The following TCF20 variants were observed in gnomAD, a reference collection of about 807,000 sequenced individuals.
The protein encoded by TCF20 is SPRE-binding protein.
TCF20 carries 3 observed loss-of-function variants against 148.6 expected under a neutral mutation model. The observed-to-expected ratio is 0.02, with a 90% confidence interval of 0.01 to 0.05. The LOEUF is 0.05. Among genes scored for constraint, TCF20 ranks in the 10% least tolerant of loss-of-function variants. The pLI, the probability that TCF20 is intolerant of heterozygous loss-of-function variation, is 1.00. For missense variants in TCF20, 2,350 were observed against 2,429.3 expected, an observed-to-expected ratio of 0.97 and a Z score of 0.69; for synonymous variants, 1,049 against 909.5, an observed-to-expected ratio of 1.15 and a Z score of -2.76.
chr22:42,244,108 G>A (rs932742704), intron 1 of TCF20, among the ~76,000 whole-genome samples: 4 of 152,162 alleles, frequency 2.6e-5, no homozygotes, highest in Non-Finnish European at 4.4e-5. Context: ...GGAGGCTGAA[G>A]CAAGAGAATC....
At chr22:42,219,650 G>A (rs1922168689) in intron 1 of TCF20, among the ~76,000 whole-genome samples, 1 of 152,008 alleles carries the variant, frequency 6.6e-6, no homozygotes, top group South Asian at 2.1e-4. Context: ...GGGCTCAGGA[G>A]TTCGAGACCA....
At chr22:42,324,576 T>C (rs36141542) in intron 1 of TCF20, among the ~76,000 whole-genome samples, 59,556 of 151,608 alleles carry the variant, frequency 0.39, 12,119 homozygotes, top group East Asian at 0.58. Flanking sequence ...ATCTCCACCA[T>C]TGGAGAAAAT....
chr22:42,268,390 G>T (rs145667909), intron 1 of TCF20, among the ~76,000 whole-genome samples: 1 of 152,310 alleles, frequency 6.6e-6, no homozygotes, highest in East Asian at 1.9e-4. Context: ...CATCTGCGGA[G>T]CACTGGCTAC....
chr22:42,174,291 T>C (rs1256078868), intron 3 of TCF20, among the ~76,000 whole-genome samples: 2 of 152,224 alleles, frequency 1.3e-5, no homozygotes, highest in South Asian at 2.1e-4. Context: ...GTTACCACAT[T>C]GGAGAGTGCT....
At chr22:42,263,916 C>T (rs1302212173) in intron 1 of TCF20, among the ~76,000 whole-genome samples, 1 of 152,130 alleles carries the variant, frequency 6.6e-6, no homozygotes, top group African/African-American at 2.4e-5. Context: ...TATAAAGCCA[C>T]ATAACTTTGG....
intron 1 of TCF20, among the ~76,000 whole-genome samples, chr22:42,258,592 A>T (rs1925867096): frequency 6.6e-6 from 1 of 152,190 alleles, no homozygotes; most frequent in Admixed American, 6.5e-5. Context: ...AGTGACAAGC[A>T]TTCAGTAGAA....
At chr22:42,215,901 T>TA (rs1226932269) in intron 1 of TCF20, among the ~76,000 whole-genome samples, 1 of 151,988 alleles carries the variant, frequency 6.6e-6, no homozygotes. Flanking sequence ...ACAAACCCAA[T>TA]ACAGCAAAAA....
chr22:42,335,250 C>T (rs957544339), intron 1 of TCF20, among the ~76,000 whole-genome samples: 3 of 152,112 alleles, frequency 2.0e-5, no homozygotes, highest in African/African-American at 7.2e-5. Context: ...ATGGCTGGCA[C>T]CTTCTCCTGC....
chr22:42,327,791 G>A (rs1384989310), intron 1 of TCF20, among the ~76,000 whole-genome samples: 7 of 150,606 alleles, frequency 4.6e-5, no homozygotes, highest in East Asian at 1.9e-4. Flanking sequence ...TCATGTGACC[G>A]CTCCCAGAGG....
intron 1 of TCF20, among the ~76,000 whole-genome samples, chr22:42,282,820 CCTGT>C (rs913537267): frequency 3.9e-5 from 6 of 152,120 alleles, no homozygotes; most frequent in Non-Finnish European, 8.8e-5. Context: ...GCCTCGCCGG[CCTGT>C]CTGTCTCCAG....
chr22:42,248,151 G>A (rs1470095217), intron 1 of TCF20, among the ~76,000 whole-genome samples: 3 of 152,206 alleles, frequency 2.0e-5, no homozygotes. Flanking sequence ...GGGAGAACAG[G>A]GCTGAGGGAG....
At position 42,247,297 on chromosome 22, in the gene TCF20, T is replaced by C. The variant is rs1423385463; in HGVS notation, c.-37+23042A>G. On this transcript the variant is annotated intron_variant, in intron 1 of 5. Coordinates refer to ENST00000677622, the MANE Select transcript of TCF20 (RefSeq NM_001378418.1). Reference sequence around the variant, plus strand: ...TCTACTAAAAATATAAGAATTTGCTTGGCGTGGTGGCAGGCGCCTGTAATC... The same window carrying C: ...TCTACTAAAAATATAAGAATTTGCTCGGCGTGGTGGCAGGCGCCTGTAATC... Among the ~76,000 whole-genome samples the C allele has an allele frequency of 2.7e-5, 4 of 150,080 alleles. No homozygotes were observed. In the East Asian group the frequency reaches 8.0e-4, roughly 30 times the overall value.
At chr22:42,170,626 CAAAAAAAAAAAAAAAAA>C (rs58579686) in intron 3 of TCF20, among the ~76,000 whole-genome samples, 2 of 72,100 alleles carry the variant, frequency 2.8e-5, no homozygotes, top group Admixed American at 1.6e-4. Flanking sequence ...GACTCCGTCT[CAAAAAAAAAAAAAAAAA>C]AAAAAAAAAA....
intron 3 of TCF20, among the ~76,000 whole-genome samples, chr22:42,172,156 G>C (rs1282922856): frequency 1.3e-5 from 2 of 151,936 alleles, no homozygotes; most frequent in Non-Finnish European, 2.9e-5. Context: ...ACACTGTGCA[G>C]ACAATGCCCT....
chr22:42,300,126 T>C (rs1228496799), intron 1 of TCF20, among the ~76,000 whole-genome samples: 1 of 152,024 alleles, frequency 6.6e-6, no homozygotes, highest in African/African-American at 2.4e-5. Flanking sequence ...ACGAGGCAGA[T>C]TGTCTGGAAT....
In TCF20 at chr22:42,211,373, G is replaced by C. The variant is rs757608481; in HGVS notation, c.3933C>G (p.Ile1311Met). The change falls in exon 2 of 6, where the codon ATC becomes ATG. Residue 1311 changes from isoleucine to methionine, a missense_variant. Coordinates refer to ENST00000677622, the MANE Select transcript of TCF20 (RefSeq NM_001378418.1). ...GGTCCTTGGAGGAATCTCTCTTAGG[G>C]ATAGACTTGATATCCTGACTGTGAG... ...HLSHSQDIKSIPKRDSSKDLP... is the reference protein window; with the variant it reads ...HLSHSQDIKSMPKRDSSKDLP... 6.2e-7 allele frequency: 1 copy of C among 1,614,176 alleles called. No homozygotes were observed. The highest frequency in any genetic ancestry group is 8.5e-7 in the Non-Finnish European group (1 of 1,180,014).
rs1011859223 is a variant in TCF20 at position 42,208,405 on chromosome 22, T to C, written c.5655+1246A>G. ...ACTTTAGAAGACCGAAGTGGAAGGA[T>C]TGCTTGAGTCCAGCAGTTTGAGACC... On this transcript the variant is annotated intron_variant, in intron 2 of 5. Transcript: ENST00000677622. 4.6e-5 allele frequency among the ~76,000 whole-genome samples: 7 copies of C among 152,236 alleles called. No homozygotes were observed. The East Asian group carries it at 5.8e-4, about 13-fold the overall frequency.
chr22:42,340,705 G>A (rs1056095088), intron 1 of TCF20, among the ~76,000 whole-genome samples: 2 of 152,158 alleles, frequency 1.3e-5, no homozygotes, highest in Non-Finnish European at 2.9e-5. Context: ...GAGCAGTAGA[G>A]GGCCTAACCC....
At chr22:42,229,681 C>A (rs1431308987) in intron 1 of TCF20, among the ~76,000 whole-genome samples, 2 of 152,208 alleles carry the variant, frequency 1.3e-5, no homozygotes, top group African/African-American at 4.8e-5. Flanking sequence ...TGCGCTCCGA[C>A]CTCTTGATTT....
Sources: gnomAD v4.1 joint callset for allele counts (sites outside exome capture counted in the v4.1 genomes callset) on GRCh38, gnomAD v4.1.1 for gene constraint, MANE v1.5 for transcripts, NCBI Gene and HGNC (gene_info 2026-07-23, HGNC 2026-07-21) for gene names.